ADAP2: variants seen among roughly 807,000 people sequenced by gnomAD.
ADAP2 encodes the protein arf-GAP with dual PH domain-containing protein 2.
Under a neutral mutation model 54.9 loss-of-function variants are expected in ADAP2, and 42 were observed. The ratio of observed to expected loss-of-function variants is 0.77; its 90% confidence interval spans 0.60 to 0.99. The LOEUF is 0.99. Among genes scored for constraint, ADAP2 ranks in the 50% least tolerant of loss-of-function variants. ADAP2 has a pLI of 0.00. For synonymous variants in ADAP2, 177 were observed against 180.1 expected, an observed-to-expected ratio of 0.98 and a Z score of 0.14; for missense variants, 429 against 480.4, an observed-to-expected ratio of 0.89 and a Z score of 1.00.
chr17:30,930,532 C>A (rs1911397336), intron 3 of ADAP2, among the ~76,000 whole-genome samples: 1 of 152,204 alleles, frequency 6.6e-6, no homozygotes. Context: ...TTTCCTCTTT[C>A]TCTCAGACAG....
rs77402204 is a variant in ADAP2 at position 30,942,786 on chromosome 17, C to G, written c.511-2121C>G. On this transcript the variant is annotated intron_variant, in intron 5 of 10. Transcript: ENST00000330889. Reference sequence around the variant, plus strand: ...TCAAAGAAGACATACACGTGGCCAACAAGCAAATGAAAAAATGCTCAACAT... The same window carrying G: ...TCAAAGAAGACATACACGTGGCCAAGAAGCAAATGAAAAAATGCTCAACAT... Among the ~76,000 whole-genome samples, 161 of 152,170 alleles carry G rather than the reference C, an allele frequency of 1.1e-3. 3 individuals are homozygous for G. In the East Asian group the frequency reaches 0.028, roughly 27 times the overall value.
intron 5 of ADAP2, among the ~76,000 whole-genome samples, chr17:30,940,188 C>G (rs1198804804): frequency 6.6e-6 from 1 of 152,022 alleles, no homozygotes; most frequent in African/African-American, 2.4e-5. Context: ...GTCTTGAACT[C>G]CTGAACTCAA....
In ADAP2 at chr17:30,923,086, C is replaced by G. The variant is rs199959488; in HGVS notation, c.225+16C>G. ...TATTGTGGAGGTAGAAAGGCATGCC[C>G]GTGGAGAGCCATGGAACTGCGGGAC... On this transcript the variant is annotated intron_variant, in intron 2 of 10. Transcript: ENST00000330889. The G allele has an allele frequency of 3.7e-6, 6 of 1,612,742 alleles. No individual in the cohort carries two copies. In the East Asian group the frequency reaches 6.7e-5, roughly 18 times the overall value.
chr17:30,925,021 C>T (rs1000180252), intron 2 of ADAP2, among the ~76,000 whole-genome samples: 1 of 151,624 alleles, frequency 6.6e-6, no homozygotes, highest in Non-Finnish European at 1.5e-5. Context: ...TACAGGCATG[C>T]ACCACCATGC....
At chr17:30,932,989 G>C (rs913198314) in intron 4 of ADAP2, among the ~76,000 whole-genome samples, 8 of 152,146 alleles carry the variant, frequency 5.3e-5, no homozygotes, top group African/African-American at 1.9e-4. Context: ...AGGAGGATGG[G>C]CTTAAATTCA....
rs1904661306 is a variant in ADAP2 at position 30,951,747 on chromosome 17, C to T, written c.742-1541C>T. Among the ~76,000 whole-genome samples the T allele has an allele frequency of 2.0e-5, 3 of 151,518 alleles. 1 individual carries two copies. The highest frequency in any genetic ancestry group is 2.0e-4 in the Admixed American group (3 of 15,208). ...CTTGGCTCACTGCAAGCTCCGCCTC[C>T]CAGGTTCACGCCATTCTCCTGCCTC... is the stretch of plus-strand genomic sequence containing the variant. On this transcript the variant is annotated intron_variant, in intron 7 of 10. Transcript: ENST00000330889.
intron 5 of ADAP2, among the ~76,000 whole-genome samples, chr17:30,939,785 A>G (rs1912136714): frequency 1.3e-5 from 2 of 152,006 alleles, no homozygotes; most frequent in Non-Finnish European, 2.9e-5. Context: ...AAAAAAAAAA[A>G]AAAAGGTATT....
At chr17:30,926,687 C>G in intron 2 of ADAP2, 140 bp from the exon 3 acceptor site, 1 of 687,668 alleles carries the variant, frequency 1.5e-6, no homozygotes, top group Non-Finnish European at 2.6e-6. Context: ...GGCTTCCCAG[C>G]AGTATGGATG....
intron 5 of ADAP2, among the ~76,000 whole-genome samples, chr17:30,938,529 C>A (rs541122255): frequency 6.6e-6 from 1 of 152,096 alleles, no homozygotes; most frequent in East Asian, 1.9e-4. Flanking sequence ...ACTGGGTGAG[C>A]GCCATCTTTG....
chr17:30,937,052 C>T (rs1260843391), intron 5 of ADAP2, among the ~76,000 whole-genome samples: 1 of 151,864 alleles, frequency 6.6e-6, no homozygotes. Context: ...CTCAGTCTCT[C>T]GAGTAGCTGG....
intron 4 of ADAP2, 141 bp from the exon 5 acceptor site, chr17:30,934,044 G>A: frequency 1.6e-6 from 1 of 620,904 alleles, no homozygotes; most frequent in Non-Finnish European, 2.8e-6. Context: ...GTGTTCTGCA[G>A]CTGAAATAGG....
At chr17:30,945,670 C>T (rs946633145) in intron 6 of ADAP2, among the ~76,000 whole-genome samples, 5 of 151,718 alleles carry the variant, frequency 3.3e-5, no homozygotes, top group African/African-American at 9.7e-5. Flanking sequence ...GTGAGAGGAT[C>T]GCTTGAGCCT....
rs1168479757 is a variant in ADAP2 at position 30,956,257 on chromosome 17, G to A, written c.899G>A (p.Gly300Asp). 1 of 1,614,154 alleles carries A rather than the reference G, an allele frequency of 6.2e-7. No individual in the cohort carries two copies. The highest frequency in any genetic ancestry group is 1.7e-5 in the Admixed American group (1 of 60,014). The change falls in exon 10 of 11, where the codon GGC becomes GAC. Residue 300 changes from glycine (G) to aspartate (D), a missense_variant. Physicochemically the swap from Gly to Asp is moderately conservative, Grantham distance 94. Coordinates refer to ENST00000330889, the MANE Select transcript of ADAP2 (RefSeq NM_018404.3). ...YKNPLDAFEQ[G>D]QVFLGNKEQG... ...CATTTTCAGGATGCCTTCGAGCAGG[G>A]CCAGGTTTTTCTTGGGAACAAGGAG...
chr17:30,942,125 C>T (rs745465078), intron 5 of ADAP2, among the ~76,000 whole-genome samples: 6 of 152,074 alleles, frequency 3.9e-5, no homozygotes, highest in Admixed American at 2.0e-4. Context: ...AGGATGGTCT[C>T]GATCTCTCAA....
intron 5 of ADAP2, among the ~76,000 whole-genome samples, chr17:30,939,557 G>A (rs990048844): frequency 1.3e-5 from 2 of 151,938 alleles, no homozygotes; most frequent in Non-Finnish European, 2.9e-5. Flanking sequence ...AGATCACGAG[G>A]TCAGGAGATT....
chr17:30,940,857 T>C (rs1912223268), intron 5 of ADAP2, among the ~76,000 whole-genome samples: 1 of 152,224 alleles, frequency 6.6e-6, no homozygotes, highest in Non-Finnish European at 1.5e-5. Flanking sequence ...TATTGTTCTT[T>C]GGCCCTCTAG....
At chr17:30,933,635 G>A (rs908230260) in intron 4 of ADAP2, among the ~76,000 whole-genome samples, 1 of 152,334 alleles carries the variant, frequency 6.6e-6, no homozygotes, top group Non-Finnish European at 1.5e-5. Context: ...GAGTAGCTGG[G>A]ATTACAGGCA....
At chr17:30,951,204 C>T (rs769554340) in intron 7 of ADAP2, among the ~76,000 whole-genome samples, 3 of 152,170 alleles carry the variant, frequency 2.0e-5, no homozygotes, top group Non-Finnish European at 4.4e-5. Flanking sequence ...TGCATCGAGG[C>T]TCAGAGAGGT....
At chr17:30,936,600 T>G (rs996351132) in intron 5 of ADAP2, among the ~76,000 whole-genome samples, 1 of 141,264 alleles carries the variant, frequency 7.1e-6, no homozygotes, top group African/African-American at 2.7e-5. Flanking sequence ...TATATCTTAT[T>G]TGTAGAAATG....
Sources: allele counts gnomAD v4.1 joint callset (sites outside exome capture counted in the v4.1 genomes callset), GRCh38; gene constraint gnomAD v4.1.1; transcripts MANE v1.5; gene names NCBI Gene and HGNC (gene_info 2026-07-23, HGNC 2026-07-21).